Variants in DENND10 observed in about 807,000 individuals in gnomAD.
The protein encoded by DENND10 is DENN domain containing 10, also known as DENN domain-containing protein 10.
A neutral mutation model predicts 43.6 loss-of-function variants in DENND10; 24 were observed. That is an observed-to-expected ratio of 0.55 (90% CI 0.40 to 0.77). DENND10 has a LOEUF of 0.77. DENND10 is among the 30% of genes least tolerant of loss of function. DENND10 has a pLI of 0.00. For missense variants in DENND10, 303 were observed against 429.9 expected, an observed-to-expected ratio of 0.70 and a Z score of 2.61; for synonymous variants, 125 against 157.6, an observed-to-expected ratio of 0.79 and a Z score of 1.55.
Position 119,113,803 on chromosome 10 carries a change from G to T in DENND10, c.332+1875G>T, listed in dbSNP as rs182826433. ...ATTTCACCATTTTTGCAACCAGCCA[G>T]AATAAAAAAGCTTCCTACTCTCATA... On this transcript the variant is annotated intron_variant, in intron 3 of 8. Transcript: ENST00000361432. Among the ~76,000 whole-genome samples, 119 of 152,074 alleles carry T rather than the reference G, an allele frequency of 7.8e-4. 1 individual carries two copies. Among genetic ancestry groups the T allele is most frequent in the Admixed American group, 2.0e-3 (31 of 15,260 alleles).
At chr10:119,107,800 GATAA>G (rs1238676225) in intron 1 of DENND10, 164 bp from the exon 2 acceptor site, 4 of 654,636 alleles carry the variant, frequency 6.1e-6, no homozygotes, top group Non-Finnish European at 1.1e-5. Flanking sequence ...ATGACAGCTA[GATAA>G]TTTGAGCAGT....
intron 4 of DENND10, among the ~76,000 whole-genome samples, chr10:119,119,996 C>G (rs1845482125): frequency 6.6e-6 from 1 of 151,894 alleles, no homozygotes; most frequent in South Asian, 2.1e-4. Context: ...ACCTGTAATC[C>G]CAACACTTTG....
chr10:119,124,245 G>A (rs1845720925), intron 6 of DENND10, among the ~76,000 whole-genome samples: 1 of 150,556 alleles, frequency 6.6e-6, no homozygotes, highest in African/African-American at 2.4e-5. Flanking sequence ...CCTTTTTTTG[G>A]CCGGGCGCGG....
intron 7 of DENND10, among the ~76,000 whole-genome samples, chr10:119,130,470 G>A (rs113391848): frequency 0.015 from 2,307 of 152,118 alleles, 74 homozygotes; most frequent in African/African-American, 0.051. Context: ...CCTAATTTTT[G>A]TATTTTTACT....
intron 2 of DENND10, among the ~76,000 whole-genome samples, chr10:119,110,527 G>A (rs370887261): frequency 9.2e-5 from 14 of 151,936 alleles, no homozygotes; most frequent in African/African-American, 2.2e-4. Context: ...ACAAAATCTC[G>A]GCTCACTGCA....
intron 4 of DENND10, among the ~76,000 whole-genome samples, chr10:119,118,876 CTG>C (rs1399012886): frequency 3.7e-5 from 5 of 134,446 alleles, no homozygotes; most frequent in Non-Finnish European, 7.7e-5. Flanking sequence ...AAGAGTCTCA[CTG>C]TGTCACCCAG....
chr10:119,106,827 C>T (rs1244396671), intron 1 of DENND10, among the ~76,000 whole-genome samples: 1 of 152,074 alleles, frequency 6.6e-6, no homozygotes, highest in Non-Finnish European at 1.5e-5. Context: ...GGCAGATCAT[C>T]TGAGGTGGGG....
At chr10:119,115,589 C>A (rs1245007590) in intron 3 of DENND10, among the ~76,000 whole-genome samples, 2 of 140,000 alleles carry the variant, frequency 1.4e-5, no homozygotes, top group African/African-American at 5.2e-5. Flanking sequence ...CGGGGTTTCA[C>A]CGTTTTAGCC....
intron 3 of DENND10, among the ~76,000 whole-genome samples, chr10:119,113,059 C>G (rs1022288301): frequency 1.3e-5 from 2 of 151,662 alleles, no homozygotes; most frequent in Admixed American, 6.6e-5. Context: ...TCATGTTGGC[C>G]AGGCTGGTCT....
At chr10:119,133,909 A>C (rs1846192649) in intron 8 of DENND10, 2 of 152,250 alleles carry the variant, frequency 1.3e-5, no homozygotes, top group South Asian at 4.1e-4. Context: ...TCACAGACTA[A>C]AAGTGCTACC....
In DENND10 at chr10:119,132,636, G is replaced by C; in HGVS notation, c.897+27G>C. ...TAACTCCCTCACCTTCTGACTTACT[G>C]AAAGTCCTGACCCGGTGTCGCTGGG... On this transcript the variant is annotated intron_variant, in intron 8 of 8. Coordinates refer to ENST00000361432, the MANE Select transcript of DENND10 (RefSeq NM_207009.4). The surrounding 1 kb of genome is among the most constrained non-coding windows in gnomAD (Gnocchi z 4.2). 6.3e-7 allele frequency: 1 copy of C among 1,579,866 alleles called. No homozygotes were observed. Among genetic ancestry groups the C allele is most frequent in the Non-Finnish European group, 8.7e-7 (1 of 1,148,772 alleles).
At chr10:119,136,416 A>G (rs959374075) in intron 8 of DENND10, 55 bp from the exon 9 acceptor site, 20 of 1,556,262 alleles carry the variant, frequency 1.3e-5, no homozygotes, top group Non-Finnish European at 1.7e-5. Flanking sequence ...CTAGAGACTA[A>G]ATATTCAAAT....
intron 8 of DENND10, chr10:119,134,857 C>T (rs1291663459): frequency 6.6e-6 from 1 of 152,120 alleles, no homozygotes; most frequent in East Asian, 1.9e-4. Context: ...TGGGTATATA[C>T]CCAAAATAAT....
At position 119,137,164 on chromosome 10, in the gene DENND10, C is replaced by A. The variant is rs768315294; in HGVS notation, c.*517C>A. ...AAGAGACCCTGCAGTTGCACTTTCT[C>A]GTAAAAGTTAAAAAAAAAAAAAAAA... On this transcript the variant is annotated 3_prime_UTR_variant, in exon 9 of 9. Coordinates refer to ENST00000361432, the MANE Select transcript of DENND10 (RefSeq NM_207009.4). The A allele has an allele frequency of 3.4e-5, 4 of 116,340 alleles. No homozygotes were observed. The highest frequency in any genetic ancestry group is 1.3e-4 in the African/African-American group (3 of 23,192). The allele number at this position is 116,340 out of a possible 1,614,324, so 7.2% of individuals were successfully genotyped here. A position where few individuals can be genotyped will look rare whatever the true frequency, so the allele number is the denominator to read the frequency against.
chr10:119,113,170 AT>A (rs752292315), intron 3 of DENND10, among the ~76,000 whole-genome samples: 319 of 127,152 alleles, frequency 2.5e-3, no homozygotes, highest in Middle Eastern at 4.5e-3. Flanking sequence ...TTTAGTCGTG[AT>A]TTTTTTTTTT....
At chr10:119,126,120 C>T (rs1484639929) in intron 6 of DENND10, among the ~76,000 whole-genome samples, 1 of 152,144 alleles carries the variant, frequency 6.6e-6, no homozygotes, top group Non-Finnish European at 1.5e-5. Context: ...CATGTTGTTG[C>T]AAATGACAGG....
In DENND10 at chr10:119,120,390, G is replaced by C; in HGVS notation, c.531G>C (p.Leu177=). Residue 177 remains leucine, a synonymous_variant, in exon 5 of 9, where the codon CTG becomes CTC. Transcript: ENST00000361432. ...GMETVILHTA[L]MLKKRIVVYH... The stretch of plus-strand genomic sequence containing the variant: ...AAACTGTTATCTTACACACAGCACT[G>C]ATGCTAAAGAAAAGAATTGTGGTGT... 1 of 1,613,440 alleles carries C rather than the reference G, an allele frequency of 6.2e-7. No individual in the cohort carries two copies. The highest frequency in any genetic ancestry group is 8.5e-7 in the Non-Finnish European group (1 of 1,179,388).
intron 6 of DENND10, 54 bp downstream of exon 6, chr10:119,123,623 T>C (rs1845688197): frequency 1.6e-5 from 16 of 1,016,784 alleles, no homozygotes; most frequent in East Asian, 5.3e-5. Flanking sequence ...TTTTTTTTTT[T>C]CCTGAGACGG....
chr10:119,136,342 T>G, intron 8 of DENND10, 129 bp from the exon 9 acceptor site: 1 of 1,088,854 alleles, frequency 9.2e-7, no homozygotes, highest in Non-Finnish European at 1.3e-6. Flanking sequence ...ATTACAGGCA[T>G]GAGCCACCAC....
Sources: gnomAD v4.1 joint callset for allele counts (sites outside exome capture counted in the v4.1 genomes callset) on GRCh38, gnomAD v4.1.1 for gene constraint, Gnocchi (gnomAD v3.1) non-coding constraint, MANE v1.5 for transcripts, NCBI Gene and HGNC (gene_info 2026-07-23, HGNC 2026-07-21) for gene names.